NALCN: variants seen among roughly 807,000 people sequenced by gnomAD.
NALCN encodes sodium leak channel, non-selective.
A neutral mutation model predicts 225.3 loss-of-function variants in NALCN; 111 were observed. The observed-to-expected ratio is 0.49, with a 90% CI of 0.42 to 0.58. NALCN has a LOEUF of 0.58. NALCN is among the 20% of genes least tolerant of loss of function. The pLI, the probability that NALCN is intolerant of heterozygous loss-of-function variation, is 0.00. For missense variants in NALCN, 1,378 were observed against 2,202.4 expected (o/e 0.63, Z 7.49); for synonymous variants, 764 against 769.0 (o/e 0.99, Z 0.11).
chr13:101,113,291 A>G (rs1333873953), intron 18 of NALCN, among the ~76,000 whole-genome samples: 1 of 152,238 alleles, frequency 6.6e-6, no homozygotes, highest in Non-Finnish European at 1.5e-5. Flanking sequence ...TGGATGCAGG[A>G]GCAAGGCAAT....
intron 32 of NALCN, 67 bp downstream of exon 32, chr13:101,083,025 G>T: frequency 6.4e-7 from 1 of 1,555,696 alleles, no homozygotes; most frequent in Non-Finnish European, 8.9e-7. Context: ...ATAGCAGCTT[G>T]TGATACTCTC....
chr13:101,103,322 A>G lies in NALCN; in HGVS notation c.2907T>C (p.Leu969=). ...IFIYLVSLIF[L]CWMPQNVPAE... The stretch of plus-strand genomic sequence containing the variant: ...CAGGTACATTTTGAGGCATCCAACA[A>G]AGAAATATCAAGCTCACCTAAAGGG... The change falls in exon 26 of 44, where the codon CTT becomes CTC. Residue 969 remains leucine, a synonymous_variant. Coordinates refer to ENST00000251127, the MANE Select transcript of NALCN (RefSeq NM_052867.4). 1 of 1,611,548 alleles carries G rather than the reference A, an allele frequency of 6.2e-7. No homozygotes were observed. Among genetic ancestry groups the G allele is most frequent in the Non-Finnish European group, 8.5e-7 (1 of 1,179,256 alleles).
intron 7 of NALCN, among the ~76,000 whole-genome samples, chr13:101,314,650 G>A (rs2044486610): frequency 1.3e-5 from 2 of 152,020 alleles, no homozygotes; most frequent in South Asian, 2.1e-4. Flanking sequence ...CTCTATTCTC[G>A]ATATTCGAAC....
intron 17 of NALCN, among the ~76,000 whole-genome samples, chr13:101,126,234 G>A (rs1371749336): frequency 1.3e-5 from 2 of 152,134 alleles, no homozygotes; most frequent in African/African-American, 4.8e-5. Context: ...GTAAAGATCA[G>A]CATCACTGAA....
chr13:101,342,569 A>G (rs2045590459), intron 7 of NALCN, among the ~76,000 whole-genome samples: 1 of 152,178 alleles, frequency 6.6e-6, no homozygotes, highest in Non-Finnish European at 1.5e-5. Context: ...AACATGCATT[A>G]TCTTAGAATA....
chr13:101,363,317 C>A lies in NALCN; in HGVS notation c.644+13383G>T, dbSNP rs536470253. ...GCAAAAAGAACAAAGCTGGAGGCAT[C>A]ACACTAACTGACTTCAAAATATGCT... On this transcript the variant is annotated intron_variant, in intron 6 of 43. Coordinates refer to ENST00000251127, the MANE Select transcript of NALCN (RefSeq NM_052867.4). Among the ~76,000 whole-genome samples the A allele has an allele frequency of 3.0e-4, 46 of 152,224 alleles. 1 individual carries two copies. In the South Asian group the frequency reaches 8.5e-3, roughly 28 times the overall value.
chr13:101,159,075 T>C (rs1224922928), intron 15 of NALCN, among the ~76,000 whole-genome samples: 2 of 152,228 alleles, frequency 1.3e-5, no homozygotes, highest in Non-Finnish European at 2.9e-5. Context: ...GGTAGTCATA[T>C]AATTCCCTTT....
intron 22 of NALCN, among the ~76,000 whole-genome samples, chr13:101,105,359 C>G (rs140303324): frequency 2.7e-4 from 41 of 152,264 alleles, no homozygotes; most frequent in Non-Finnish European, 4.3e-4. Flanking sequence ...AAATAGACTT[C>G]TTCCCCCTGC....
In NALCN at chr13:101,405,687, A is replaced by T. The variant is rs138542595; in HGVS notation, c.-39-6522T>A. On this transcript the variant is annotated intron_variant, in intron 1 of 43. Coordinates refer to ENST00000251127, the MANE Select transcript of NALCN (RefSeq NM_052867.4). The stretch of plus-strand genomic sequence containing the variant: ...GAATCCAGCAACTCTGCTGTCTCCC[A>T]TTTAGGGGCTGCTCAATGACTGCCT... Among the ~76,000 whole-genome samples, 471 of 152,286 alleles carry T rather than the reference A, an allele frequency of 3.1e-3. 2 individuals carry two copies. Among genetic ancestry groups the T allele is most frequent in the Non-Finnish European group, 3.9e-3 (266 of 68,016 alleles).
Position 101,103,066 on chromosome 13 carries a change from C to T in NALCN, c.3057+106G>A, listed in dbSNP as rs183971595. ...TGCCTCCATTACCCTCTGGCAATAACCAAAACTATTGAATTGACCTCAATA... is the reference window on the plus strand; with the variant it reads ...TGCCTCCATTACCCTCTGGCAATAATCAAAACTATTGAATTGACCTCAATA... On this transcript the variant is annotated intron_variant, in intron 26 of 43. Transcript: ENST00000251127. The T allele has an allele frequency of 1.1e-3, 1,467 of 1,384,692 alleles. 16 individuals are homozygous for T. The African/African-American group carries it at 0.019, about 18-fold the overall frequency. The allele number at this position is 1,384,692 out of a possible 1,614,324, so 85.8% of individuals were successfully genotyped here.
intron 17 of NALCN, among the ~76,000 whole-genome samples, chr13:101,141,208 T>C (rs1198795316): frequency 1.3e-5 from 2 of 152,048 alleles, no homozygotes; most frequent in Non-Finnish European, 2.9e-5. Context: ...TGAGCAAATA[T>C]CTTAGTTGGC....
intron 12 of NALCN, among the ~76,000 whole-genome samples, chr13:101,229,916 T>G (rs2140134079): frequency 6.6e-6 from 1 of 152,256 alleles, no homozygotes; most frequent in Admixed American, 6.5e-5. Context: ...CATTCCTAAT[T>G]TAAAACATAA....
chr13:101,131,992 C>T (rs2036543534), intron 17 of NALCN, among the ~76,000 whole-genome samples: 1 of 152,024 alleles, frequency 6.6e-6, no homozygotes, highest in Non-Finnish European at 1.5e-5. Flanking sequence ...CCTCTTTCCC[C>T]CCATTTGATT....
At chr13:101,246,316 T>G (rs146786955) in intron 11 of NALCN, among the ~76,000 whole-genome samples, 2,013 of 152,292 alleles carry the variant, frequency 0.013, 33 homozygotes, top group African/African-American at 0.038. Context: ...GTCTCTGTTT[T>G]CTAATTTCAA....
At chr13:101,068,966 C>T (rs1039968291) in intron 37 of NALCN, 139 bp from the exon 38 acceptor site, 6 of 799,336 alleles carry the variant, frequency 7.5e-6, no homozygotes, top group African/African-American at 1.8e-5. Context: ...AAGCCACATA[C>T]ATTGGGTACA....
chr13:101,068,882 C>T lies in NALCN; in HGVS notation c.4198-55G>A. 11 of 1,501,692 alleles carry T rather than the reference C, an allele frequency of 7.3e-6. No homozygotes were observed. The South Asian group carries it at 1.6e-4, about 22-fold the overall frequency. The allele number at this position is 1,501,692 out of a possible 1,614,324, so 93.0% of individuals were successfully genotyped here. On this transcript the variant is annotated intron_variant, in intron 37 of 43. Transcript: ENST00000251127. ...GGATAAGAGTAGAGAATACAAATTT[C>T]TTTTAGCTGACTATAGTTAATGAAT...
rs1418189899 is a variant in NALCN, at chr13:101,376,700, C to T, written c.644G>A (p.Gly215Glu). ...YHCVVNDTKP[G>E]NVTWNSLAIP... ...AAATGCAGTTAATAGATAAACTTAC[C>T]CTGGCTTTGTGTCATTTACAACACA... The change falls in exon 6 of 44, where the codon GGG becomes GAG. Residue 215 changes from glycine (G) to glutamate (E), a missense_variant and splice_region_variant. Around this residue, in one of 19 missense-constraint regions of NALCN, gnomAD observed 67 missense variants for 82.1 expected, o/e 0.82. Transcript: ENST00000251127. The T allele has an allele frequency of 2.5e-6, 4 of 1,591,928 alleles. No homozygotes were observed. The highest frequency in any genetic ancestry group is 1.1e-5 in the South Asian group (1 of 87,304).
At chr13:101,351,656 T>C (rs1306437182) in intron 6 of NALCN, among the ~76,000 whole-genome samples, 1 of 152,190 alleles carries the variant, frequency 6.6e-6, no homozygotes, top group African/African-American at 2.4e-5. Flanking sequence ...CATTTGAGCT[T>C]CAGTTTCCTC....
chr13:101,063,395 G>A (rs564461447), intron 40 of NALCN, among the ~76,000 whole-genome samples: 2 of 152,336 alleles, frequency 1.3e-5, no homozygotes, highest in South Asian at 4.1e-4. Context: ...ACTGGGCTAG[G>A]GGAATAAATA....
Sources: allele counts gnomAD v4.1 joint callset (sites outside exome capture counted in the v4.1 genomes callset), GRCh38; gene constraint gnomAD v4.1.1; regional missense constraint gnomAD v4.1.1; transcripts MANE v1.5; gene names NCBI Gene and HGNC (gene_info 2026-07-23, HGNC 2026-07-21).